CLVS1: variants seen among roughly 807,000 people sequenced by gnomAD.
CLVS1 encodes clavesin 1, also known as clavesin-1.
A neutral mutation model predicts 33.1 loss-of-function variants in CLVS1; 10 were observed. The ratio of observed to expected loss-of-function variants is 0.30; its 90% CI spans 0.19 to 0.51. The LOEUF (loss-of-function observed/expected upper bound fraction) is 0.51, where lower values mean the gene tolerates loss of function less well. Ranked by LOEUF, CLVS1 falls within the 20% of genes least tolerant of loss-of-function variation. The pLI, the probability that CLVS1 is intolerant of heterozygous loss-of-function variation, is 0.97. For missense variants in CLVS1, 343 were observed against 433.4 expected (o/e 0.79, Z 1.85); for synonymous variants, 163 against 166.1 (o/e 0.98, Z 0.14).
At chr8:60,973,585 A>G in the CLVS1 span, among the ~76,000 whole-genome samples, 215 of 152,352 alleles carry the variant, frequency 1.4e-3, no homozygotes, top group Middle Eastern at 3.4e-3. Flanking sequence ...TAAAGCAGGA[A>G]TGAAAAGAAA....
At chr8:61,313,139 A>C (rs542366905) in intron 2 of CLVS1, among the ~76,000 whole-genome samples, 2 of 152,280 alleles carry the variant, frequency 1.3e-5, no homozygotes, top group Non-Finnish European at 2.9e-5. Flanking sequence ...ATGGCCCTAC[A>C]TGAGAAGAGG....
At chr8:61,459,750 A>G (rs1817304024) in intron 5 of CLVS1, among the ~76,000 whole-genome samples, 1 of 152,174 alleles carries the variant, frequency 6.6e-6, no homozygotes, top group South Asian at 2.1e-4. Flanking sequence ...CCCATAAAAA[A>G]CATCTAATAT....
intron 5 of CLVS1, among the ~76,000 whole-genome samples, chr8:61,495,892 T>G (rs1804250083): frequency 6.6e-6 from 1 of 152,226 alleles, no homozygotes; most frequent in South Asian, 2.1e-4. Flanking sequence ...TGGCCAGTTT[T>G]AGAAACCTTG....
intron 5 of CLVS1, among the ~76,000 whole-genome samples, chr8:61,488,570 A>C (rs1803958740): frequency 6.6e-6 from 1 of 152,246 alleles, no homozygotes; most frequent in Non-Finnish European, 1.5e-5. Context: ...TATGCTCAGA[A>C]ATATGATACT....
At chr8:61,060,997 T>C (rs927530471) in intron 1 of CLVS1, among the ~76,000 whole-genome samples, 12 of 152,242 alleles carry the variant, frequency 7.9e-5, no homozygotes, top group African/African-American at 2.9e-4. Context: ...TGTGTTTTTA[T>C]AGCCTCCTCA....
chr8:61,319,991 G>A (rs916239519), intron 2 of CLVS1, among the ~76,000 whole-genome samples: 4 of 151,884 alleles, frequency 2.6e-5, no homozygotes, highest in African/African-American at 9.7e-5. Flanking sequence ...TTCTTCTAAT[G>A]TAACTGCATT....
At chr8:61,270,180 T>C (rs1331840723) in intron 2 of CLVS1, among the ~76,000 whole-genome samples, 1 of 152,226 alleles carries the variant, frequency 6.6e-6, no homozygotes, top group Non-Finnish European at 1.5e-5. Flanking sequence ...TATTTTGAAA[T>C]ACGTCCCATC....
the CLVS1 span, among the ~76,000 whole-genome samples, chr8:61,023,499 A>T: frequency 6.6e-6 from 1 of 152,260 alleles, no homozygotes; most frequent in Non-Finnish European, 1.5e-5. Context: ...TAGTAAGTTA[A>T]ATTAAATAAT....
intron 3 of CLVS1, among the ~76,000 whole-genome samples, chr8:61,429,419 TAAAAA>T (rs57688988): frequency 1.4e-5 from 1 of 73,236 alleles, no homozygotes; most frequent in Admixed American, 1.6e-4. Context: ...GACTCTGTCT[TAAAAA>T]AAAAAAAAAA....
chr8:60,979,366 A>G, the CLVS1 span, among the ~76,000 whole-genome samples: 4 of 152,156 alleles, frequency 2.6e-5, no homozygotes, highest in East Asian at 7.7e-4. Context: ...ACAGATGAGC[A>G]CTCTCTGAGG....
At chr8:61,070,914 C>A (rs1804782513) in intron 1 of CLVS1, among the ~76,000 whole-genome samples, 1 of 152,164 alleles carries the variant, frequency 6.6e-6, no homozygotes, top group African/African-American at 2.4e-5. Context: ...TGGTTGGGGT[C>A]CTTCCTCTTT....
chr8:61,120,788 G>A (rs1805844340), intron 1 of CLVS1, among the ~76,000 whole-genome samples: 1 of 147,208 alleles, frequency 6.8e-6, no homozygotes, highest in Admixed American at 6.7e-5. Flanking sequence ...CTGTCAGAGA[G>A]GGACATTTAA....
chr8:61,145,614 T>A (rs1216430525), intron 2 of CLVS1, among the ~76,000 whole-genome samples: 2 of 152,118 alleles, frequency 1.3e-5, no homozygotes, highest in Non-Finnish European at 2.9e-5. Flanking sequence ...TGCAGAAGCT[T>A]TTTAGTTTAT....
At chr8:61,166,131 TA>T (rs199757423) in intron 2 of CLVS1, among the ~76,000 whole-genome samples, 1 of 125,942 alleles carries the variant, frequency 7.9e-6, no homozygotes, top group Non-Finnish European at 1.6e-5. Flanking sequence ...TTATTTATTT[TA>T]TTTTTTTTTT....
chr8:61,101,939 C>T (rs926556198), intron 1 of CLVS1, among the ~76,000 whole-genome samples: 7 of 151,884 alleles, frequency 4.6e-5, no homozygotes, highest in African/African-American at 1.7e-4. Context: ...TCAAGACTCT[C>T]GATATATTTC....
the CLVS1 span, among the ~76,000 whole-genome samples, chr8:60,987,545 G>T: frequency 1.3e-5 from 2 of 152,268 alleles, no homozygotes; most frequent in African/African-American, 2.4e-5. Context: ...TTTACTTTCT[G>T]CTTGGGCCTG....
At chr8:61,288,422 G>A (rs1809855334) in intron 1 of CLVS1, among the ~76,000 whole-genome samples, 1 of 152,150 alleles carries the variant, frequency 6.6e-6, no homozygotes, top group Non-Finnish European at 1.5e-5. Context: ...GGTAACTATA[G>A]TCACACAACT....
At chr8:61,142,924 A>G (rs1283840988) in intron 2 of CLVS1, among the ~76,000 whole-genome samples, 3 of 152,216 alleles carry the variant, frequency 2.0e-5, no homozygotes, top group Non-Finnish European at 4.4e-5. Context: ...TTAACCACCC[A>G]AGCAAATTAA....
intron 3 of CLVS1, among the ~76,000 whole-genome samples, chr8:61,450,245 C>A (rs1050216573): frequency 2.0e-5 from 3 of 152,164 alleles, no homozygotes; most frequent in Non-Finnish European, 4.4e-5. Context: ...ACAACTCTTC[C>A]TTTGCTGTGG....
Sources: allele counts gnomAD v4.1 joint callset (sites outside exome capture counted in the v4.1 genomes callset), GRCh38; gene constraint gnomAD v4.1.1; transcripts MANE v1.5; gene names NCBI Gene and HGNC (gene_info 2026-07-23, HGNC 2026-07-21).